The following MDGA2 variants were observed in gnomAD, a reference collection of about 807,000 sequenced individuals.
MDGA2 encodes the protein MAM domain-containing glycosylphosphatidylinositol anchor protein 2.
Under a neutral mutation model 117.8 loss-of-function variants are expected in MDGA2, and 40 were observed. That is an observed-to-expected ratio of 0.34 (90% CI 0.26 to 0.44). The LOEUF is 0.44. Among genes scored for constraint, MDGA2 ranks in the 20% least tolerant of loss-of-function variants. The probability of loss-of-function intolerance (pLI) is 1.00; values close to 1 mark genes in which losing one functional copy is unlikely to be tolerated. For synonymous variants in MDGA2, 452 were observed against 439.0 expected (o/e 1.03, Z -0.37); for missense variants, 1,123 against 1,250.6 (o/e 0.90, Z 1.54).
At chr14:46,869,353 T>C (rs1051707284) in intron 14 of MDGA2, among the ~76,000 whole-genome samples, 72 of 35,488 alleles carry the variant, frequency 2.0e-3, no homozygotes, top group Non-Finnish European at 4.6e-3. Flanking sequence ...ATGAGATTCT[T>C]TTTTTTTTTT....
intron 1 of MDGA2, among the ~76,000 whole-genome samples, chr14:47,637,396 G>T (rs1278924224): frequency 6.6e-6 from 1 of 152,020 alleles, no homozygotes; most frequent in Non-Finnish European, 1.5e-5. Flanking sequence ...ACTAAATTCC[G>T]CATAAATATA....
intron 2 of MDGA2, among the ~76,000 whole-genome samples, chr14:47,260,030 ACT>A (rs963534382): frequency 2.0e-5 from 3 of 152,066 alleles, no homozygotes; most frequent in Admixed American, 2.0e-4. Context: ...ACAAAAAATA[ACT>A]CTGCATCTCC....
In MDGA2 at chr14:47,067,960, T is replaced by C. The variant is rs187909804; in HGVS notation, c.1196-6382A>G. ...TGTATCTAACAACTCCATTTGCCAATCTAGTCTGAATGGAAGTTCATTAAT... is the reference window on the plus strand; with the variant it reads ...TGTATCTAACAACTCCATTTGCCAACCTAGTCTGAATGGAAGTTCATTAAT... On this transcript the variant is annotated intron_variant, in intron 6 of 16. Transcript: ENST00000399232. Among the ~76,000 whole-genome samples the C allele has an allele frequency of 4.4e-3, 670 of 152,276 alleles. 3 individuals carry two copies. Among genetic ancestry groups the C allele is most frequent in the African/African-American group, 0.015 (633 of 41,550 alleles).
At chr14:47,423,793 C>T (rs1892628853) in intron 1 of MDGA2, among the ~76,000 whole-genome samples, 1 of 130,016 alleles carries the variant, frequency 7.7e-6, no homozygotes, top group Non-Finnish European at 1.6e-5. Flanking sequence ...TTTTATTTAA[C>T]TATTTATTTT....
At chr14:47,023,757 AATTCATACAGAAACTAAGTT>A (rs1465984670) in intron 8 of MDGA2, among the ~76,000 whole-genome samples, 1 of 152,178 alleles carries the variant, frequency 6.6e-6, no homozygotes, top group Non-Finnish European at 1.5e-5. Context: ...TAGATTTTAG[AATTCATACAGAAACTAAGTT>A]ATTCATACAG....
At position 47,577,395 on chromosome 14, in the gene MDGA2, T is replaced by G. The variant is rs193110969; in HGVS notation, c.280+97122A>C. On this transcript the variant is annotated intron_variant, in intron 1 of 16. Coordinates refer to ENST00000399232, the MANE Select transcript of MDGA2 (RefSeq NM_001113498.3). The stretch of plus-strand genomic sequence containing the variant: ...ATAGGCACGGGCAAAGACTTCATGA[T>G]GCAAACGCCAAAAGCAATTGCAATA... Among the ~76,000 whole-genome samples the G allele has an allele frequency of 1.5e-3, 229 of 152,204 alleles. 2 individuals carry two copies. Among genetic ancestry groups the G allele is most frequent in the Admixed American group, 6.3e-3 (96 of 15,250 alleles).
intron 1 of MDGA2, among the ~76,000 whole-genome samples, chr14:47,579,127 TACTA>T (rs563208239): frequency 9.7e-4 from 147 of 152,226 alleles, no homozygotes; most frequent in Non-Finnish European, 1.7e-3. Context: ...TATTGAAACA[TACTA>T]ACCTCTTTTC....
intron 9 of MDGA2, among the ~76,000 whole-genome samples, chr14:46,951,871 G>T (rs1361497283): frequency 1.3e-5 from 2 of 151,912 alleles, no homozygotes; most frequent in Non-Finnish European, 2.9e-5. Context: ...TTTTGACTTT[G>T]TATAATGTAA....
chr14:47,589,025 C>G (rs1896386419), intron 1 of MDGA2, among the ~76,000 whole-genome samples: 1 of 151,798 alleles, frequency 6.6e-6, no homozygotes, highest in Admixed American at 6.6e-5. Context: ...TGTTTTTTCT[C>G]TTGTAATCTT....
chr14:47,510,109 G>C (rs992758809), intron 1 of MDGA2, among the ~76,000 whole-genome samples: 3 of 152,100 alleles, frequency 2.0e-5, no homozygotes, highest in Non-Finnish European at 4.4e-5. Context: ...GACTTTGGGA[G>C]GTGATTAGGC....
chr14:46,929,601 G>GTATATATATATATA (rs756528353), intron 9 of MDGA2, among the ~76,000 whole-genome samples: 2 of 12,676 alleles, frequency 1.6e-4, no homozygotes, highest in African/African-American at 2.1e-4. Context: ...GTGTGTGTGT[G>GTATATATATATATA]TATATATATA....
chr14:47,434,494 A>C (rs1892859618), intron 1 of MDGA2, among the ~76,000 whole-genome samples: 1 of 152,158 alleles, frequency 6.6e-6, no homozygotes, highest in Admixed American at 6.6e-5. Context: ...AGTGATTCTT[A>C]CTAATTCTAG....
At chr14:46,946,189 C>T (rs1301710717) in intron 9 of MDGA2, among the ~76,000 whole-genome samples, 1 of 152,024 alleles carries the variant, frequency 6.6e-6, no homozygotes, top group African/African-American at 2.4e-5. Context: ...CCTATAGCTT[C>T]ACTCATTGAA....
At chr14:47,425,866 G>A (rs565794732) in intron 1 of MDGA2, among the ~76,000 whole-genome samples, 1 of 151,544 alleles carries the variant, frequency 6.6e-6, no homozygotes, top group South Asian at 2.1e-4. Context: ...TCAAAGCTAC[G>A]AAATTAACTA....
At chr14:47,396,039 T>C (rs1401310201) in intron 1 of MDGA2, among the ~76,000 whole-genome samples, 1 of 152,194 alleles carries the variant, frequency 6.6e-6, no homozygotes. Context: ...TTGGAATGGG[T>C]AAAATTGAGG....
chr14:47,241,749 A>G (rs1887049224), intron 2 of MDGA2, among the ~76,000 whole-genome samples: 1 of 151,750 alleles, frequency 6.6e-6, no homozygotes, highest in South Asian at 2.1e-4. Flanking sequence ...CCTAGCACAT[A>G]TTTTATGATT....
At chr14:47,303,448 A>C (rs1032483532) in intron 1 of MDGA2, among the ~76,000 whole-genome samples, 1 of 152,116 alleles carries the variant, frequency 6.6e-6, no homozygotes, top group Admixed American at 6.5e-5. Context: ...GTTTGGTTTT[A>C]TGACATTAGA....
chr14:47,673,782 A>C (rs761459321), intron 1 of MDGA2, among the ~76,000 whole-genome samples: 4 of 151,882 alleles, frequency 2.6e-5, no homozygotes, highest in Non-Finnish European at 5.9e-5. Context: ...TCTAGTTCCT[A>C]AACCTAAATC....
intron 12 of MDGA2, 44 bp downstream of exon 12, chr14:46,877,445 A>C: frequency 9.2e-7 from 1 of 1,081,788 alleles, no homozygotes; most frequent in East Asian, 2.7e-5. Context: ...ATATTTTTGT[A>C]TTTATTAAAT....
Sources: gnomAD v4.1 joint callset for allele counts (sites outside exome capture counted in the v4.1 genomes callset) on GRCh38, gnomAD v4.1.1 for gene constraint, MANE v1.5 for transcripts, NCBI Gene and HGNC (gene_info 2026-07-23, HGNC 2026-07-21) for gene names.